TMEM131: variants seen among roughly 807,000 people sequenced by gnomAD.
TMEM131 encodes the protein 2610524E03Rik.
In TMEM131, 66 loss-of-function variants were observed where a neutral mutation model predicts 211.6. The ratio of observed to expected loss-of-function variants is 0.31; its 90% confidence interval spans 0.26 to 0.38. The LOEUF is 0.38. TMEM131 is among the 10% of genes least tolerant of loss of function. TMEM131 has a pLI of 1.00. For missense variants in TMEM131, 2,036 were observed against 2,299.3 expected, an observed-to-expected ratio of 0.89 and a Z score of 2.34; for synonymous variants, 844 against 841.3, an observed-to-expected ratio of 1.00 and a Z score of -0.06.
At chr2:97,765,671 C>T (rs1168095259) in intron 35 of TMEM131, among the ~76,000 whole-genome samples, 1 of 152,104 alleles carries the variant, frequency 6.6e-6, no homozygotes, top group Non-Finnish European at 1.5e-5. Flanking sequence ...GTGTAGGTTG[C>T]TCATGTAAAA....
chr2:97,880,839 C>A (rs1674895996), intron 4 of TMEM131, among the ~76,000 whole-genome samples: 1 of 152,112 alleles, frequency 6.6e-6, no homozygotes, highest in African/African-American at 2.4e-5. Flanking sequence ...TGGGGATACA[C>A]AGAGGAACAT....
At chr2:97,943,317 G>T (rs1281091594) in intron 1 of TMEM131, among the ~76,000 whole-genome samples, 1 of 152,012 alleles carries the variant, frequency 6.6e-6, no homozygotes, top group Non-Finnish European at 1.5e-5. Context: ...ATTATATGAA[G>T]CAATTCATAC....
intron 33 of TMEM131, among the ~76,000 whole-genome samples, chr2:97,769,963 C>A (rs1679388948): frequency 6.6e-6 from 1 of 152,180 alleles, no homozygotes; most frequent in Non-Finnish European, 1.5e-5. Flanking sequence ...ATGGATGGGG[C>A]TGAGCCACTC....
chr2:97,815,423 CAACAG>C (rs1681777242), intron 12 of TMEM131, 116 bp from the exon 13 acceptor site: 1 of 555,288 alleles, frequency 1.8e-6, no homozygotes, highest in South Asian at 2.7e-5. Flanking sequence ...CCAAATTGGC[CAACAG>C]AACACTTTTT....
intron 1 of TMEM131, among the ~76,000 whole-genome samples, chr2:97,989,542 T>A (rs1680172472): frequency 6.6e-6 from 1 of 152,200 alleles, no homozygotes; most frequent in Non-Finnish European, 1.5e-5. Flanking sequence ...GAAGATCTGC[T>A]ACACAACAAC....
intron 3 of TMEM131, among the ~76,000 whole-genome samples, chr2:97,894,494 T>C (rs1303709502): frequency 1.3e-5 from 2 of 152,224 alleles, no homozygotes; most frequent in Non-Finnish European, 2.9e-5. Context: ...TTCACGATAT[T>C]GATTCTTCCT....
chr2:97,952,293 G>A (rs137930245), intron 1 of TMEM131, among the ~76,000 whole-genome samples: 2 of 152,172 alleles, frequency 1.3e-5, no homozygotes, highest in East Asian at 1.9e-4. Context: ...AAAATGTGAC[G>A]CTGAGGGAGG....
Position 97,889,608 on chromosome 2 carries a change from A to G in TMEM131, c.291-1488T>C, listed in dbSNP as rs1001141347. Among the ~76,000 whole-genome samples, 5 of 148,734 alleles carry G rather than the reference A, an allele frequency of 3.4e-5. No homozygotes were observed. The East Asian group carries it at 8.4e-4, about 25-fold the overall frequency. ...TATAATGTAATATATATTCCTATAT[A>G]TAATATATAATTCCTATATATTAAT... On this transcript the variant is annotated intron_variant, in intron 3 of 40. Transcript: ENST00000186436.
chr2:97,813,412 C>T (rs1474306651), intron 15 of TMEM131, among the ~76,000 whole-genome samples: 3 of 152,144 alleles, frequency 2.0e-5, no homozygotes, highest in Non-Finnish European at 4.4e-5. Context: ...CTTATCTAAG[C>T]TTCTTTCATT....
intron 38 of TMEM131, 44 bp from the exon 39 acceptor site, chr2:97,759,793 TG>T: frequency 6.9e-7 from 1 of 1,448,156 alleles, no homozygotes. Context: ...AAATGTATGG[TG>T]GTTAGTGCAA....
In TMEM131 at chr2:97,812,704, CA is replaced by C; in HGVS notation, c.1662del (p.Phe554LeufsTer4). ...CTTGCTTCTGTAGCACTCAGTACTC[CA>C]AAATCTATGAAACGTTCCTCTATTT... ...PPKIEERFID[F>X]GVLSATEASN... On this transcript the variant is annotated frameshift_variant, in exon 16 of 41. Coordinates refer to ENST00000186436, the MANE Select transcript of TMEM131 (RefSeq NM_015348.2). LOFTEE classifies it high-confidence loss of function. 6.3e-7 allele frequency: 1 copy of C among 1,596,752 alleles called. No individual in the cohort carries two copies. Among genetic ancestry groups the C allele is most frequent in the Admixed American group, 1.8e-5 (1 of 55,474 alleles).
intron 25 of TMEM131, among the ~76,000 whole-genome samples, chr2:97,799,003 A>G (rs1680898592): frequency 6.6e-6 from 1 of 152,142 alleles, no homozygotes; most frequent in African/African-American, 2.4e-5. Context: ...TCAGGACCTT[A>G]ATAATTTTAT....
chr2:97,892,964 G>A (rs1238912152), intron 3 of TMEM131, among the ~76,000 whole-genome samples: 4 of 151,992 alleles, frequency 2.6e-5, no homozygotes, highest in Admixed American at 6.6e-5. Context: ...TTGTTACACA[G>A]GTATACATGT....
At chr2:97,909,770 T>C (rs1224006335) in intron 2 of TMEM131, among the ~76,000 whole-genome samples, 1 of 152,188 alleles carries the variant, frequency 6.6e-6, no homozygotes, top group Non-Finnish European at 1.5e-5. Context: ...CTTAATTTTC[T>C]TTGAGATGTC....
At chr2:97,946,754 A>C (rs1678061581) in intron 1 of TMEM131, among the ~76,000 whole-genome samples, 1 of 151,972 alleles carries the variant, frequency 6.6e-6, no homozygotes, top group Non-Finnish European at 1.5e-5. Context: ...TGATCCCCAA[A>C]ACAAATAAGG....
intron 31 of TMEM131, among the ~76,000 whole-genome samples, chr2:97,789,102 G>A (rs1680379077): frequency 6.6e-6 from 1 of 152,214 alleles, no homozygotes; most frequent in Non-Finnish European, 1.5e-5. Context: ...CTCAGTCAGA[G>A]GTGATGGCGC....
At chr2:97,920,039 C>A (rs1315155046) in intron 2 of TMEM131, among the ~76,000 whole-genome samples, 1 of 152,220 alleles carries the variant, frequency 6.6e-6, no homozygotes, top group Non-Finnish European at 1.5e-5. Context: ...TCCTCCCAGA[C>A]AATGAATGAG....
chr2:97,791,281 C>G lies in TMEM131; in HGVS notation c.4144+1105G>C, dbSNP rs556406593. Among the ~76,000 whole-genome samples the G allele has an allele frequency of 9.2e-5, 14 of 152,332 alleles. No individual in the cohort carries two copies. In the South Asian group the frequency reaches 2.9e-3, roughly 32 times the overall value. ...ACCTCTTGGTATTTATGCCCTTGCG[C>G]GGTTCTCTCTCCTGGAGTGTGGGCT... On this transcript the variant is annotated intron_variant, in intron 31 of 40. Coordinates refer to ENST00000186436, the MANE Select transcript of TMEM131 (RefSeq NM_015348.2).
At chr2:97,852,360 G>A (rs933793745) in intron 5 of TMEM131, among the ~76,000 whole-genome samples, 3 of 152,224 alleles carry the variant, frequency 2.0e-5, no homozygotes, top group African/African-American at 7.2e-5. Flanking sequence ...GTTTCACCAC[G>A]TTGGCCAGGT....
Sources: gnomAD v4.1 joint callset for allele counts (sites outside exome capture counted in the v4.1 genomes callset) on GRCh38, gnomAD v4.1.1 for gene constraint, MANE v1.5 for transcripts, NCBI Gene and HGNC (gene_info 2026-07-23, HGNC 2026-07-21) for gene names.